The following ERBIN variants were observed in gnomAD, a reference collection of about 807,000 sequenced individuals.
ERBIN encodes the protein densin-180-like protein.
Under a neutral mutation model 158.4 loss-of-function variants are expected in ERBIN, and 60 were observed. The observed-to-expected ratio is 0.38, with a 90% confidence interval of 0.31 to 0.47. The LOEUF (loss-of-function observed/expected upper bound fraction) is 0.47. Among genes scored for constraint, ERBIN ranks in the 20% least tolerant of loss-of-function variants. ERBIN has a pLI of 0.99. For missense variants in ERBIN, 1,610 were observed against 1,648.0 expected (o/e 0.98, Z 0.40); for synonymous variants, 594 against 557.2 (o/e 1.07, Z -0.93).
At chr5:66,033,028 C>T (rs948399336) in intron 14 of ERBIN, among the ~76,000 whole-genome samples, 4 of 152,176 alleles carry the variant, frequency 2.6e-5, no homozygotes, top group African/African-American at 7.2e-5. Flanking sequence ...GCATAGAACA[C>T]GCTGGTGACC....
chr5:66,008,311 T>C (rs569105832), intron 4 of ERBIN, among the ~76,000 whole-genome samples: 1 of 152,000 alleles, frequency 6.6e-6, no homozygotes, highest in East Asian at 1.9e-4. Flanking sequence ...CCCAGCTACT[T>C]AGGAGGCTGA....
chr5:66,023,138 G>C (rs1202307564), intron 8 of ERBIN, 152 bp from the exon 9 acceptor site: 3 of 604,732 alleles, frequency 5.0e-6, no homozygotes, highest in Admixed American at 3.3e-5. Context: ...TTACATCCTG[G>C]CTCTTCTTTT....
intron 18 of ERBIN, among the ~76,000 whole-genome samples, chr5:66,047,988 A>G (rs1313488783): frequency 6.6e-6 from 1 of 151,930 alleles, no homozygotes; most frequent in Non-Finnish European, 1.5e-5. Context: ...TGTTAAAGAA[A>G]TTTAGGAGGA....
At chr5:65,934,891 G>A (rs897016862) in intron 1 of ERBIN, among the ~76,000 whole-genome samples, 4 of 152,018 alleles carry the variant, frequency 2.6e-5, no homozygotes, top group Non-Finnish European at 2.9e-5. Context: ...AGAACCCCCT[G>A]GCTTATTTTC....
rs780621800 is a variant in ERBIN, at chr5:66,080,451, T to G, written c.*1921T>G. 1 of 152,086 alleles carries G rather than the reference T, an allele frequency of 6.6e-6. No homozygotes were observed. The highest frequency in any genetic ancestry group is 1.5e-5 in the Non-Finnish European group (1 of 67,868). 9.4% of individuals were successfully genotyped at this position (152,086 alleles called of 1,614,324 possible). ...AGAAATGTGCTGTATTTTGATAAAATTCACTTATTGTATGTGTGTTGTAAT... is the reference window on the plus strand; with the variant it reads ...AGAAATGTGCTGTATTTTGATAAAAGTCACTTATTGTATGTGTGTTGTAAT... On this transcript the variant is annotated 3_prime_UTR_variant, in exon 26 of 26. Transcript: ENST00000284037.
At position 66,045,426 on chromosome 5, in the gene ERBIN, AGTATAT is replaced by A. The variant is rs746732423; in HGVS notation, c.1603-910_1603-905del. Among the ~76,000 whole-genome samples the A allele has an allele frequency of 2.0e-3, 300 of 146,454 alleles. 5 individuals carry two copies. The highest frequency in any genetic ancestry group is 2.4e-3 in the African/African-American group (87 of 36,278). On this transcript the variant is annotated intron_variant, in intron 17 of 25. Transcript: ENST00000284037. ...ATTACATATAGCCTATATGTAATATAGTATATGTATATGTATATGTATGTATATACA... is the reference window on the plus strand; with the variant it reads ...ATTACATATAGCCTATATGTAATATAGTATATGTATATGTATGTATATACA...
chr5:66,007,476 G>A (rs1343623279), intron 4 of ERBIN, among the ~76,000 whole-genome samples: 3 of 151,838 alleles, frequency 2.0e-5, no homozygotes, highest in Non-Finnish European at 4.4e-5. Flanking sequence ...CAGCACACCT[G>A]CATGGCACAT....
intron 15 of ERBIN, among the ~76,000 whole-genome samples, chr5:66,042,448 G>A (rs932136212): frequency 1.3e-5 from 2 of 151,806 alleles, no homozygotes; most frequent in Non-Finnish European, 1.5e-5. Flanking sequence ...TTTGACTTCG[G>A]AATATTTGCA....
intron 8 of ERBIN, among the ~76,000 whole-genome samples, 153 bp downstream of exon 8, chr5:66,021,538 CAGAT>C (rs1310645654): frequency 6.6e-6 from 1 of 151,746 alleles, no homozygotes; most frequent in Non-Finnish European, 1.5e-5. Context: ...ACTTTCCAGA[CAGAT>C]AGAAAAATTA....
intron 1 of ERBIN, among the ~76,000 whole-genome samples, chr5:65,954,434 G>A (rs143237521): frequency 1.4e-4 from 22 of 152,210 alleles, no homozygotes; most frequent in African/African-American, 5.1e-4. Context: ...GAAAGTGAGA[G>A]AGCCCTTTGT....
intron 7 of ERBIN, among the ~76,000 whole-genome samples, chr5:66,020,279 A>G (rs1252850294): frequency 6.6e-6 from 1 of 152,032 alleles, no homozygotes; most frequent in African/African-American, 2.4e-5. Context: ...TTTTTGACTA[A>G]AAAGCTGGAG....
intron 1 of ERBIN, among the ~76,000 whole-genome samples, chr5:65,957,692 C>A (rs1318734661): frequency 6.6e-6 from 1 of 152,280 alleles, no homozygotes; most frequent in East Asian, 1.9e-4. Context: ...GACAAAACCG[C>A]CATCGTCATC....
Position 66,082,449 on chromosome 5 carries a change from A to C in ERBIN, c.*3919A>C, listed in dbSNP as rs544166589. ...GCCCACGGTTTTATTTCAGGATAAA[A>C]TTTGAGAAACTAGTATCACTGGGGA... On this transcript the variant is annotated 3_prime_UTR_variant, in exon 26 of 26. Transcript: ENST00000284037. 2 of 152,328 alleles carry C rather than the reference A, an allele frequency of 1.3e-5. No homozygotes were observed. Among genetic ancestry groups the C allele is most frequent in the Non-Finnish European group, 2.9e-5 (2 of 68,028 alleles). The allele number at this position is 152,328 out of a possible 1,614,324, so 9.4% of individuals were successfully genotyped here. A position where few individuals can be genotyped will look rare whatever the true frequency, so the allele number is the denominator to read the frequency against.
intron 1 of ERBIN, among the ~76,000 whole-genome samples, chr5:65,963,943 G>T (rs1748231819): frequency 6.6e-6 from 1 of 151,972 alleles, no homozygotes; most frequent in African/African-American, 2.4e-5. Flanking sequence ...GGGACTACAG[G>T]CGCCTGCCAC....
chr5:66,024,528 T>C, intron 10 of ERBIN, 78 bp downstream of exon 10: 1 of 1,398,814 alleles, frequency 7.1e-7, no homozygotes, highest in South Asian at 1.3e-5. Flanking sequence ...ATTTCACTTG[T>C]TATGAGGTAG....
intron 1 of ERBIN, among the ~76,000 whole-genome samples, chr5:65,987,686 C>G (rs1751411246): frequency 6.6e-6 from 1 of 152,036 alleles, no homozygotes; most frequent in Non-Finnish European, 1.5e-5. Context: ...AACCCCGTCT[C>G]TCTAAAGAGT....
At chr5:65,989,503 ATCTT>A (rs1561339197) in intron 2 of ERBIN, among the ~76,000 whole-genome samples, 1 of 152,168 alleles carries the variant, frequency 6.6e-6, no homozygotes, top group African/African-American at 2.4e-5. Flanking sequence ...GCCCAATCTA[ATCTT>A]TCTTTTCTGA....
Position 65,940,612 on chromosome 5 carries a change from T to G in ERBIN, c.-58+13806T>G, listed in dbSNP as rs1484564263. On this transcript the variant is annotated intron_variant, in intron 1 of 25. Coordinates refer to ENST00000284037, the MANE Select transcript of ERBIN (RefSeq NM_001253697.2). ...CCTACTGGGAAGTGAGGAGCCCCTCTGCCCGGCCAGCCGCCCCGTCCGGGA... is the reference window on the plus strand; with the variant it reads ...CCTACTGGGAAGTGAGGAGCCCCTCGGCCCGGCCAGCCGCCCCGTCCGGGA... Among the ~76,000 whole-genome samples the G allele has an allele frequency of 3.9e-3, 189 of 47,904 alleles. 18 individuals are homozygous for G. The highest frequency in any genetic ancestry group is 0.011 in the African/African-American group (163 of 14,670). 31.4% of individuals were successfully genotyped at this position (47,904 alleles called of 152,430 possible). A position where few individuals can be genotyped will look rare whatever the true frequency, so the allele number is the denominator to read the frequency against.
chr5:65,950,280 C>T (rs1009522511), intron 1 of ERBIN, among the ~76,000 whole-genome samples: 7 of 152,232 alleles, frequency 4.6e-5, no homozygotes, highest in African/African-American at 1.4e-4. Flanking sequence ...GCTGGGATTA[C>T]AGGCGCCCGG....
Sources: allele counts gnomAD v4.1 joint callset (sites outside exome capture counted in the v4.1 genomes callset), GRCh38; gene constraint gnomAD v4.1.1; transcripts MANE v1.5; gene names NCBI Gene and HGNC (gene_info 2026-07-23, HGNC 2026-07-21).